EAF1: variants seen among roughly 807,000 people sequenced by gnomAD.
EAF1 encodes the protein ELL associated factor 1.
Under a neutral mutation model 26.6 loss-of-function variants are expected in EAF1, and 19 were observed. The ratio of observed to expected loss-of-function variants is 0.71; its 90% CI spans 0.50 to 1.05. The LOEUF (loss-of-function observed/expected upper bound fraction) is 1.05, where lower values mean the gene tolerates loss of function less well. EAF1 is among the 50% of genes least tolerant of loss of function. The probability of loss-of-function intolerance (pLI) is 0.00; values close to 1 mark genes in which losing one functional copy is unlikely to be tolerated. For synonymous variants in EAF1, 102 were observed against 120.6 expected, an observed-to-expected ratio of 0.85 and a Z score of 1.01; for missense variants, 260 against 335.5, an observed-to-expected ratio of 0.78 and a Z score of 1.76.
chr3:15,431,974 C>A, intron 2 of EAF1, 113 bp from the exon 3 acceptor site: 2 of 1,262,220 alleles, frequency 1.6e-6, no homozygotes, highest in Non-Finnish European at 2.2e-6. Context: ...TCAACCTGTT[C>A]TTTTTGAATA....
rs771726171 is a variant in EAF1 at position 15,434,377 on chromosome 3, G to A, written c.365G>A (p.Arg122Gln). 10 of 1,614,096 alleles carry A rather than the reference G, an allele frequency of 6.2e-6. No homozygotes were observed. In the East Asian group the frequency reaches 1.1e-4, roughly 18 times the overall value. The change falls in exon 4 of 6, where the codon CGA becomes CAA. Residue 122 changes from arginine (R) to glutamine (Q), a missense_variant. Arg to Gln is a conservative substitution (Grantham distance 43). Transcript: ENST00000396842. The part of the protein sequence containing the change: ...RAEGSSKIQA[R>Q]MEQQPTRPPQ... ...GAGGGCAGCAGTAAAATCCAGGCCC[G>A]AATGGAACAGCAGCCCACTCGTCCT...
intron 3 of EAF1, chr3:15,433,110 A>G (rs1219775941): frequency 6.6e-6 from 1 of 152,528 alleles, no homozygotes; most frequent in Non-Finnish European, 1.5e-5. Context: ...TTCTTTTGTT[A>G]AAAATATGGA....
intron 1 of EAF1, 123 bp from the exon 2 acceptor site, chr3:15,429,790 A>ACAGT: frequency 1.4e-6 from 1 of 695,164 alleles, no homozygotes; most frequent in East Asian, 2.8e-5. Context: ...TTTTTTAAGA[A>ACAGT]TTCTAAATTA....
At chr3:15,433,211 GA>G (rs1335463637) in intron 3 of EAF1, 2 of 143,100 alleles carry the variant, frequency 1.4e-5, no homozygotes, top group Non-Finnish European at 3.0e-5. Context: ...CTGCCGAAGT[GA>G]GTACGAAAGG....
Position 15,433,739 on chromosome 3 carries a change from T to C in EAF1, c.336-609T>C, listed in dbSNP as rs2061816924. Among the ~76,000 whole-genome samples the C allele has an allele frequency of 2.0e-5, 3 of 152,232 alleles. No homozygotes were observed. In the South Asian group the frequency reaches 6.2e-4, roughly 31 times the overall value. ...TATTTAGGAACTCATGCACTCATGATTATAATTACATAATGATGTTTTGGT... is the reference window on the plus strand; with the variant it reads ...TATTTAGGAACTCATGCACTCATGACTATAATTACATAATGATGTTTTGGT... On this transcript the variant is annotated intron_variant, in intron 3 of 5. Coordinates refer to ENST00000396842, the MANE Select transcript of EAF1 (RefSeq NM_033083.7).
Position 15,439,141 on chromosome 3 carries a change from G to A in EAF1, c.793G>A (p.Asp265Asn), listed in dbSNP as rs1289366613. The change falls in exon 6 of 6, where the codon GAC becomes AAC. Residue 265 changes from aspartate to asparagine, a missense_variant. By Grantham distance (23) the Asp-to-Asn change is conservative. Coordinates refer to ENST00000396842, the MANE Select transcript of EAF1 (RefSeq NM_033083.7). ...NDLQLSESGS[D>N]SDD is the part of the protein sequence containing the mutation. ...CTTGCAGTTGAGTGAGTCTGGCAGT[G>A]ACAGTGATGACTAGTGCTGGATCTT... The A allele has an allele frequency of 6.2e-7, 1 of 1,613,270 alleles. No homozygotes were observed. The highest frequency in any genetic ancestry group is 8.5e-7 in the Non-Finnish European group (1 of 1,179,708).
chr3:15,439,265 G>T lies in EAF1; in HGVS notation c.*110G>T. 1 of 1,072,716 alleles carries T rather than the reference G, an allele frequency of 9.3e-7. No individual in the cohort carries two copies. The allele number at this position is 1,072,716 out of a possible 1,614,324, so 66.4% of individuals were successfully genotyped here. The stretch of plus-strand genomic sequence containing the variant: ...AAAATGTTATGGATCAGTGACTGTA[G>T]TAGGAGTTTGAGGCTCTGGAACTCT... On this transcript the variant is annotated 3_prime_UTR_variant, in exon 6 of 6. Transcript: ENST00000396842.
chr3:15,429,368 G>A (rs1208614773), intron 1 of EAF1, among the ~76,000 whole-genome samples: 1 of 151,964 alleles, frequency 6.6e-6, no homozygotes, highest in East Asian at 1.9e-4. Flanking sequence ...AACAGCTATG[G>A]AACTTGAGTA....
rs2061858911 is a variant in EAF1, at chr3:15,440,483, T to C, written c.*1328T>C. On this transcript the variant is annotated 3_prime_UTR_variant, in exon 6 of 6. Transcript: ENST00000396842. Reference sequence around the variant, plus strand: ...ATGTCCTGAGAAATTTCCATCCACTTTGGTTCAGCGGACATCAAGGTAGTA... The same window carrying C: ...ATGTCCTGAGAAATTTCCATCCACTCTGGTTCAGCGGACATCAAGGTAGTA... The C allele has an allele frequency of 6.6e-6, 1 of 152,224 alleles. No homozygotes were observed. The highest frequency in any genetic ancestry group is 2.4e-5 in the African/African-American group (1 of 41,450). 9.4% of individuals were successfully genotyped at this position (152,224 alleles called of 1,614,324 possible).
In EAF1 at chr3:15,441,973, T is replaced by TA. The variant is rs2061873463; in HGVS notation, c.*2820dup. ...GGTCATTTAGATGAGATGAAAAACT[T>TA]AATTAAATCTGAAGTGTCAGAGGCG... On this transcript the variant is annotated 3_prime_UTR_variant, in exon 6 of 6. Coordinates refer to ENST00000396842, the MANE Select transcript of EAF1 (RefSeq NM_033083.7). 1 of 152,656 alleles carries TA rather than the reference T, an allele frequency of 6.6e-6. No individual in the cohort carries two copies. The highest frequency in any genetic ancestry group is 1.5e-5 in the Non-Finnish European group (1 of 68,042). The allele number at this position is 152,656 out of a possible 1,614,324, so 9.5% of individuals were successfully genotyped here.
chr3:15,440,923 C>A lies in EAF1; in HGVS notation c.*1768C>A, dbSNP rs2061865407. ...ACTGGATGTAGGAATTGTTTCACTG[C>A]TCTTAACTTGCTCAAACTGGGGCAG... On this transcript the variant is annotated 3_prime_UTR_variant, in exon 6 of 6. Coordinates refer to ENST00000396842, the MANE Select transcript of EAF1 (RefSeq NM_033083.7). 6.5e-6 allele frequency: 1 copy of A among 152,738 alleles called. No homozygotes were observed. The highest frequency in any genetic ancestry group is 1.5e-5 in the Non-Finnish European group (1 of 68,040). The allele number at this position is 152,738 out of a possible 1,614,324, so 9.5% of individuals were successfully genotyped here.
At chr3:15,439,034 T>C in intron 5 of EAF1, 75 bp from the exon 6 acceptor site, 1 of 1,444,544 alleles carries the variant, frequency 6.9e-7, no homozygotes, top group Admixed American at 2.1e-5. Flanking sequence ...TAACAAAAAA[T>C]TATGAGGAAG....
chr3:15,430,953 CCATT>C (rs1337043092), intron 2 of EAF1, among the ~76,000 whole-genome samples: 4 of 152,070 alleles, frequency 2.6e-5, no homozygotes, highest in Non-Finnish European at 5.9e-5. Flanking sequence ...GAAAAATTGC[CCATT>C]CAAACTGCTG....
chr3:15,428,650 C>T (rs962023431), intron 1 of EAF1, among the ~76,000 whole-genome samples: 1 of 152,198 alleles, frequency 6.6e-6, no homozygotes, highest in Non-Finnish European at 1.5e-5. Context: ...AGTCATTATG[C>T]CGGACCTTTT....
chr3:15,429,891 GCTTT>G lies in EAF1; in HGVS notation c.104-21_104-18del. On this transcript the variant is annotated intron_variant, in intron 1 of 5. Coordinates refer to ENST00000396842, the MANE Select transcript of EAF1 (RefSeq NM_033083.7). ...ATTATAAGTAACCTGGTGGGTAAGT[GCTTT>G]TTTTCCTTTCCCTTTAGATGATTTT... The G allele has an allele frequency of 6.4e-7, 1 of 1,554,560 alleles. No homozygotes were observed. Among genetic ancestry groups the G allele is most frequent in the Non-Finnish European group, 8.9e-7 (1 of 1,126,590 alleles).
chr3:15,432,892 A>G (rs189358961), intron 3 of EAF1, among the ~76,000 whole-genome samples: 239 of 152,106 alleles, frequency 1.6e-3, no homozygotes, highest in African/African-American at 5.6e-3. Flanking sequence ...TTATTATAAT[A>G]CAGTAATTAA....
At chr3:15,434,870 T>C (rs937522477) in intron 4 of EAF1, among the ~76,000 whole-genome samples, 8 of 152,086 alleles carry the variant, frequency 5.3e-5, no homozygotes, top group African/African-American at 1.7e-4. Flanking sequence ...GGATTCTAGG[T>C]GTTGGAGGTG....
chr3:15,438,958 C>A, intron 5 of EAF1, 151 bp from the exon 6 acceptor site: 1 of 683,338 alleles, frequency 1.5e-6, no homozygotes, highest in Non-Finnish European at 2.4e-6. Context: ...TTTCAGTGAG[C>A]CAATTTGATT....
rs371938802 is a variant in EAF1 at position 15,439,198 on chromosome 3, C to T, written c.*43C>T. Reference sequence around the variant, plus strand: ...CCTACTTTTTGGTGCACAAACATGCCGCAAGACTGAGCTACTTTGGCGTGG... The same window carrying T: ...CCTACTTTTTGGTGCACAAACATGCTGCAAGACTGAGCTACTTTGGCGTGG... On this transcript the variant is annotated 3_prime_UTR_variant, in exon 6 of 6. Coordinates refer to ENST00000396842, the MANE Select transcript of EAF1 (RefSeq NM_033083.7). 2,783 of 1,597,366 alleles carry T rather than the reference C, an allele frequency of 1.7e-3. 1 individual carries two copies. The highest frequency in any genetic ancestry group is 2.2e-3 in the Non-Finnish European group (2,561 of 1,169,690).
Sources: allele counts gnomAD v4.1 joint callset (sites outside exome capture counted in the v4.1 genomes callset), GRCh38; gene constraint gnomAD v4.1.1; transcripts MANE v1.5; gene names NCBI Gene and HGNC (gene_info 2026-07-23, HGNC 2026-07-21).